The following DPP6 variants were observed in gnomAD, a reference collection of about 807,000 sequenced individuals.
DPP6 encodes the protein A-type potassium channel modulatory protein DPP6.
In DPP6, 69 loss-of-function variants were observed where a neutral mutation model predicts 122.6. The ratio of observed to expected loss-of-function variants is 0.56; its 90% confidence interval spans 0.46 to 0.69. The LOEUF is 0.69. DPP6 is among the 30% of genes least tolerant of loss of function. DPP6 has a pLI of 0.00. For synonymous variants in DPP6, 418 were observed against 433.1 expected (o/e 0.97, Z 0.43); for missense variants, 928 against 1,116.9 (o/e 0.83, Z 2.41).
intron 1 of DPP6, among the ~76,000 whole-genome samples, chr7:154,081,669 G>A (rs187636716): frequency 0.017 from 2,522 of 149,374 alleles, 85 homozygotes; most frequent in African/African-American, 0.06. Flanking sequence ...CGTCAAGAGC[G>A]TGGTAATAGC....
rs558020780 is a variant in DPP6, at chr7:154,004,157, A to G, written c.51+116423A>G. Among the ~76,000 whole-genome samples the G allele has an allele frequency of 9.2e-5, 14 of 152,304 alleles. 1 individual carries two copies. Among genetic ancestry groups the G allele is most frequent in the Middle Eastern group, 3.4e-3 (1 of 294 alleles). On this transcript the variant is annotated intron_variant, in intron 1 of 25. Coordinates refer to the DPP6 transcript ENST00000404039. ...TGACCTGCTTTTATCCTCACTGTCA[A>G]TGTTTTTCTTTCCATACATTGTTGA...
At chr7:154,763,026 C>A (rs905714456) in intron 8 of DPP6, among the ~76,000 whole-genome samples, 1 of 152,232 alleles carries the variant, frequency 6.6e-6, no homozygotes, top group Non-Finnish European at 1.5e-5. Flanking sequence ...TGACTTCTGG[C>A]CATTTAGAAA....
intron 3 of DPP6, among the ~76,000 whole-genome samples, chr7:154,517,454 C>G (rs1414945808): frequency 6.6e-6 from 1 of 152,070 alleles, no homozygotes; most frequent in Non-Finnish European, 1.5e-5. Context: ...GTTGAATAAG[C>G]AAACCTAGGA....
Position 154,696,367 on chromosome 7 carries a change from G to T in DPP6, c.762+26926G>T, listed in dbSNP as rs542256515. ...AGTGACAGGAGTCGCAGTGAGTTCA[G>T]CCCTGGTCTGCCCAGAGCAGTCCAA... On this transcript the variant is annotated intron_variant, in intron 7 of 25. Coordinates refer to ENST00000377770, the MANE Select transcript of DPP6 (RefSeq NM_130797.4). Among the ~76,000 whole-genome samples, 3 of 152,298 alleles carry T rather than the reference G, an allele frequency of 2.0e-5. No homozygotes were observed. The East Asian group carries it at 5.8e-4, about 29-fold the overall frequency.
intron 6 of DPP6, among the ~76,000 whole-genome samples, chr7:154,648,842 C>T (rs1563058373): frequency 6.6e-6 from 1 of 151,800 alleles, no homozygotes. Context: ...TCATTTGAAC[C>T]CAGGAGGCAG....
At chr7:154,307,730 G>C (rs971557691) in intron 1 of DPP6, among the ~76,000 whole-genome samples, 3 of 152,090 alleles carry the variant, frequency 2.0e-5, no homozygotes, top group Non-Finnish European at 4.4e-5. Flanking sequence ...TGTGTGCTTA[G>C]ACTGCAGAAC....
At chr7:153,749,857 T>TA in the DPP6 span, among the ~76,000 whole-genome samples, 1 of 152,148 alleles carries the variant, frequency 6.6e-6, no homozygotes, top group Non-Finnish European at 1.5e-5. The surrounding 1 kb of genome is among the most constrained non-coding windows in gnomAD (Gnocchi z 4.1). Context: ...TATTTATATA[T>TA]TTTTTTAAAT....
the DPP6 span, among the ~76,000 whole-genome samples, chr7:153,773,285 G>GTGTGTGTGTGTGTGTT: frequency 1.4e-5 from 2 of 143,680 alleles, no homozygotes; most frequent in African/African-American, 5.1e-5. Context: ...GTGTGTGTGT[G>GTGTGTGTGTGTGTGTT]TGTGTGTCTG....
In DPP6 at chr7:154,191,748, T is replaced by C. The variant is rs145094322; in HGVS notation, c.243+138685T>C. Among the ~76,000 whole-genome samples, 350 of 152,336 alleles carry C rather than the reference T, an allele frequency of 2.3e-3. 2 individuals carry two copies. The highest frequency in any genetic ancestry group is 8.2e-3 in the African/African-American group (343 of 41,578). On this transcript the variant is annotated intron_variant, in intron 1 of 25. Transcript: ENST00000377770. ...CTGCCTCATTACTGATATTAACATT[T>C]ATATTCCCTGAAAGCATCAGGGAAT...
At chr7:154,362,036 C>G (rs1298906679) in intron 1 of DPP6, among the ~76,000 whole-genome samples, 2 of 152,154 alleles carry the variant, frequency 1.3e-5, no homozygotes, top group Non-Finnish European at 2.9e-5. Flanking sequence ...AAGAGGGGAA[C>G]CACTGTGAGA....
intron 1 of DPP6, chr7:154,092,494 T>A (rs71227386): frequency 2.1e-5 from 3 of 141,710 alleles, no homozygotes; most frequent in Non-Finnish European, 3.1e-5. Context: ...TGTTATGGCC[T>A]TTACATTTTT....
intron 1 of DPP6, among the ~76,000 whole-genome samples, chr7:154,344,634 C>T (rs148694214): frequency 6.6e-6 from 1 of 152,160 alleles, no homozygotes; most frequent in Non-Finnish European, 1.5e-5. Context: ...CCAGTTAAAA[C>T]CCCAGCTTCA....
In DPP6 at chr7:154,892,679, G is replaced by T; in HGVS notation, c.*199G>T. On this transcript the variant is annotated 3_prime_UTR_variant, in exon 26 of 26. Transcript: ENST00000377770. ...CGGGGTCATCACTCACGGCCTCCAT[G>T]GCACCAGGGACAACGCTGTCCCCGC... is the stretch of plus-strand genomic sequence containing the variant. The T allele has an allele frequency of 8.8e-7, 1 of 1,142,438 alleles. No homozygotes were observed. The highest frequency in any genetic ancestry group is 1.3e-6 in the Non-Finnish European group (1 of 777,096). The allele number at this position is 1,142,438 out of a possible 1,614,324, so 70.8% of individuals were successfully genotyped here. A position where few individuals can be genotyped will look rare whatever the true frequency, so the allele number is the denominator to read the frequency against.
chr7:154,277,917 C>G (rs1804245323), intron 1 of DPP6, among the ~76,000 whole-genome samples: 1 of 152,188 alleles, frequency 6.6e-6, no homozygotes, highest in African/African-American at 2.4e-5. Context: ...TGCTGAAACT[C>G]TCCCCAGTGA....
chr7:154,595,141 A>G (rs1833018538), intron 5 of DPP6, among the ~76,000 whole-genome samples: 1 of 152,074 alleles, frequency 6.6e-6, no homozygotes, highest in African/African-American at 2.4e-5. Flanking sequence ...CTGTGCTCAC[A>G]CTGGCTGCTT....
intron 1 of DPP6, among the ~76,000 whole-genome samples, chr7:154,073,401 G>A (rs139439192): frequency 0.036 from 5,434 of 152,150 alleles, 126 homozygotes; most frequent in African/African-American, 0.12. Flanking sequence ...TCCTCCTGTC[G>A]TCTCCTTTGC....
intron 1 of DPP6, among the ~76,000 whole-genome samples, chr7:153,957,713 T>G (rs910619669): frequency 2.6e-5 from 4 of 152,226 alleles, no homozygotes; most frequent in Admixed American, 2.6e-4. Flanking sequence ...TTCTGATGTT[T>G]GGAAATAAAA....
intron 16 of DPP6, among the ~76,000 whole-genome samples, chr7:154,829,674 G>A (rs1800476124): frequency 6.6e-6 from 1 of 152,164 alleles, no homozygotes; most frequent in Non-Finnish European, 1.5e-5. Flanking sequence ...GGGCTAGCTG[G>A]CATCATACGC....
intron 1 of DPP6, among the ~76,000 whole-genome samples, chr7:154,400,212 G>A (rs919119932): frequency 2.0e-4 from 30 of 152,150 alleles, no homozygotes; most frequent in African/African-American, 6.3e-4. Flanking sequence ...TGCGGGAGAC[G>A]CCTCCTGACT....
Sources: gnomAD v4.1 joint callset for allele counts (sites outside exome capture counted in the v4.1 genomes callset) on GRCh38, gnomAD v4.1.1 for gene constraint, Gnocchi (gnomAD v3.1) non-coding constraint, MANE v1.5 for transcripts, NCBI Gene and HGNC (gene_info 2026-07-23, HGNC 2026-07-21) for gene names.